MLLT10: variants seen among roughly 807,000 people sequenced by gnomAD.
MLLT10 encodes MLLT10 histone lysine methyltransferase DOT1L cofactor.
MLLT10 carries 30 observed loss-of-function variants against 129.1 expected under a neutral mutation model. That is an observed-to-expected ratio of 0.23 (90% confidence interval 0.17 to 0.32). MLLT10 has a LOEUF of 0.32. Ranked by LOEUF, MLLT10 falls within the 10% of genes least tolerant of loss-of-function variation. The pLI is 1.00. For synonymous variants in MLLT10, 490 were observed against 446.4 expected, an observed-to-expected ratio of 1.10 and a Z score of -1.23; for missense variants, 1,119 against 1,268.3, an observed-to-expected ratio of 0.88 and a Z score of 1.79.
chr10:21,540,443 C>T (rs2034943902), intron 3 of MLLT10, among the ~76,000 whole-genome samples: 1 of 151,722 alleles, frequency 6.6e-6, no homozygotes, highest in African/African-American at 2.4e-5. Context: ...GTACTCCCAG[C>T]TACTCTGGAA....
rs371855147 is a variant in MLLT10, at chr10:21,619,029, T to C, written c.699+1822T>C. On this transcript the variant is annotated intron_variant, in intron 8 of 22. Transcript: ENST00000307729. The stretch of plus-strand genomic sequence containing the variant: ...GCGTGAGCCACCGTGCCTGGTGACA[T>C]ACACACACACACACACACACACACA... Among the ~76,000 whole-genome samples the C allele has an allele frequency of 4.9e-3, 708 of 143,868 alleles. 4 individuals are homozygous for C. Among genetic ancestry groups the C allele is most frequent in the African/African-American group, 0.016 (633 of 38,802 alleles). 94.4% of individuals were successfully genotyped at this position (143,868 alleles called of 152,430 possible).
chr10:21,670,385 A>G (rs2051270984), intron 9 of MLLT10, 64 bp from the exon 10 acceptor site: 3 of 1,477,144 alleles, frequency 2.0e-6, no homozygotes, highest in East Asian at 2.3e-5. Context: ...TGTGGCACCC[A>G]TTGTTTTCTG....
At chr10:21,612,279 A>G in intron 5 of MLLT10, 69 bp from the exon 6 acceptor site, 1 of 901,992 alleles carries the variant, frequency 1.1e-6, no homozygotes, top group South Asian at 1.7e-5. Context: ...ATTTCTGAAG[A>G]TAATTGTAAA....
Position 21,673,916 on chromosome 10 carries a change from T to C in MLLT10, c.1618T>C (p.Ser540Pro). The change falls in exon 11 of 23, where the codon TCA (serine) becomes CCA (proline). Residue 540 changes from serine (S) to proline (P), a missense_variant. This residue lies in a region of MLLT10 where 1,004 missense variants were observed against 1,008.7 expected (regional missense o/e 1.00). Coordinates refer to ENST00000307729, the MANE Select transcript of MLLT10 (RefSeq NM_001195626.3). ...CAGTGTTGGCTCATCTCCAGTTGGT[T>C]CAGGTAGGGGTTTGCCTATTATTAT... ...SLSVGSSPVGSEISMQYRHDG... is the reference protein window; with the variant it reads ...SLSVGSSPVGPEISMQYRHDG... 6.3e-7 allele frequency: 1 copy of C among 1,588,128 alleles called. No individual in the cohort carries two copies. The highest frequency in any genetic ancestry group is 8.6e-7 in the Non-Finnish European group (1 of 1,168,264).
At chr10:21,596,634 T>TAAA (rs61434459) in intron 5 of MLLT10, among the ~76,000 whole-genome samples, 2 of 142,196 alleles carry the variant, frequency 1.4e-5, no homozygotes, top group Admixed American at 7.0e-5. Flanking sequence ...TTCTTTCTAG[T>TAAA]AAAAAAAAAA....
chr10:21,636,580 T>A (rs76771669), intron 8 of MLLT10, among the ~76,000 whole-genome samples: 1 of 146,266 alleles, frequency 6.8e-6, no homozygotes, highest in Non-Finnish European at 1.5e-5. Flanking sequence ...TTTTCTTTTC[T>A]TTTTTTTTTT....
chr10:21,619,291 C>T (rs928714532), intron 8 of MLLT10, among the ~76,000 whole-genome samples: 3 of 152,134 alleles, frequency 2.0e-5, no homozygotes, highest in African/African-American at 7.2e-5. Flanking sequence ...AGGCAGGGCT[C>T]ATTATAAATT....
intron 13 of MLLT10, among the ~76,000 whole-genome samples, chr10:21,694,002 A>T (rs1195552973): frequency 6.6e-6 from 1 of 152,138 alleles, no homozygotes; most frequent in Non-Finnish European, 1.5e-5. Context: ...TTTCTTTTTA[A>T]AAAAAGAGCT....
rs185260141 is a variant in MLLT10, at chr10:21,673,817, G to A, written c.1519G>A (p.Ala507Thr). The A allele has an allele frequency of 9.3e-6, 15 of 1,614,138 alleles. No homozygotes were observed. The Admixed American group carries it at 2.5e-4, about 27-fold the overall frequency. ...SASPTSSVASAAGSITSSSLQ... is the reference protein window; with the variant it reads ...SASPTSSVASTAGSITSSSLQ... ...TTCACCAACATCATCTGTAGCATCA[G>A]CTGCAGGAAGCATAACAAGCTCTAG... Residue 507 changes from alanine to threonine, a missense_variant, in exon 11 of 23, where the codon GCT (alanine) becomes ACT (threonine). Around this residue, in one of 5 missense-constraint regions of MLLT10, gnomAD observed 1,004 missense variants for 1,008.7 expected, o/e 1.00. Coordinates refer to ENST00000307729, the MANE Select transcript of MLLT10 (RefSeq NM_001195626.3).
chr10:21,582,351 C>G (rs2131078104), intron 3 of MLLT10, among the ~76,000 whole-genome samples: 1 of 152,182 alleles, frequency 6.6e-6, no homozygotes, highest in East Asian at 1.9e-4. Flanking sequence ...AACTCCTGAC[C>G]TCAGGTGATC....
intron 13 of MLLT10, among the ~76,000 whole-genome samples, chr10:21,685,108 CT>C (rs899731509): frequency 8.6e-5 from 13 of 151,410 alleles, no homozygotes; most frequent in African/African-American, 3.2e-4. Context: ...TCTCTGGACA[CT>C]TTTTTTTGTT....
intron 13 of MLLT10, among the ~76,000 whole-genome samples, chr10:21,695,228 GGC>G (rs1266069612): frequency 6.6e-6 from 1 of 151,922 alleles, no homozygotes; most frequent in Non-Finnish European, 1.5e-5. Flanking sequence ...TGTCATCACA[GGC>G]GTTTCGCCCT....
At chr10:21,590,081 A>G (rs2131108509) in intron 4 of MLLT10, among the ~76,000 whole-genome samples, 1 of 151,988 alleles carries the variant, frequency 6.6e-6, no homozygotes, top group South Asian at 2.1e-4. Flanking sequence ...CCACAGGCAC[A>G]CCATGCCTGG....
chr10:21,727,677 C>T (rs2057626127), intron 15 of MLLT10, among the ~76,000 whole-genome samples, 179 bp from the exon 16 acceptor site: 1 of 152,206 alleles, frequency 6.6e-6, no homozygotes, highest in Middle Eastern at 3.4e-3. Flanking sequence ...GGGACAACGC[C>T]TTACATGCCA....
intron 9 of MLLT10, among the ~76,000 whole-genome samples, chr10:21,666,241 A>G (rs1410695360): frequency 2.0e-5 from 3 of 152,200 alleles, no homozygotes; most frequent in Non-Finnish European, 4.4e-5. Context: ...CATAAAGTAT[A>G]AGAACCTTGT....
At chr10:21,536,818 C>CT (rs2034110730) in intron 2 of MLLT10, among the ~76,000 whole-genome samples, 1 of 151,596 alleles carries the variant, frequency 6.6e-6, no homozygotes, top group Non-Finnish European at 1.5e-5. Flanking sequence ...GAGTTTTGCT[C>CT]TTGTTGCTCA....
chr10:21,704,334 T>TCC lies in MLLT10; in HGVS notation c.1700-9437_1700-9436insCC, dbSNP rs1564681405. Among the ~76,000 whole-genome samples, 13 of 53,870 alleles carry TCC rather than the reference T, an allele frequency of 2.4e-4. No individual in the cohort carries two copies. In the East Asian group the frequency reaches 7.5e-3, roughly 31 times the overall value. 35.3% of individuals were successfully genotyped at this position (53,870 alleles called of 152,430 possible). A position where few individuals can be genotyped will look rare whatever the true frequency, so the allele number is the denominator to read the frequency against. ...TCTGTTTTGTTCTTTTTAAATTCTCTCTCTCTCTCTCTCTCTCTCTCTCTA... is the reference window on the plus strand; with the variant it reads ...TCTGTTTTGTTCTTTTTAAATTCTCTCCCTCTCTCTCTCTCTCTCTCTCTCTA... On this transcript the variant is annotated intron_variant, in intron 13 of 22. Transcript: ENST00000307729.
intron 13 of MLLT10, 54 bp from the exon 14 acceptor site, chr10:21,713,718 C>T (rs889679742): frequency 2.0e-6 from 3 of 1,501,234 alleles, no homozygotes; most frequent in African/African-American, 1.4e-5. Context: ...TTATGTGTGT[C>T]TGTGACAAAT....
chr10:21,731,566 C>A (rs958276803), intron 17 of MLLT10, among the ~76,000 whole-genome samples: 1 of 152,046 alleles, frequency 6.6e-6, no homozygotes, highest in African/African-American at 2.4e-5. Flanking sequence ...GGAAAACTTA[C>A]TTTAAAAAAT....
Sources: allele counts gnomAD v4.1 joint callset (sites outside exome capture counted in the v4.1 genomes callset), GRCh38; gene constraint gnomAD v4.1.1; regional missense constraint gnomAD v4.1.1; transcripts MANE v1.5; gene names NCBI Gene and HGNC (gene_info 2026-07-23, HGNC 2026-07-21).